SLC24A1: variants seen among roughly 807,000 people sequenced by gnomAD.
SLC24A1 encodes the protein solute carrier family 24 member 1, also known as sodium/potassium/calcium exchanger 1.
In SLC24A1, 52 loss-of-function variants were observed where a neutral mutation model predicts 88.1. The observed-to-expected ratio is 0.59, with a 90% CI of 0.47 to 0.74. The LOEUF (loss-of-function observed/expected upper bound fraction) is 0.74. SLC24A1 is among the 30% of genes least tolerant of loss of function. SLC24A1 has a pLI of 0.00. For missense variants in SLC24A1, 1,173 were observed against 1,363.3 expected (o/e 0.86, Z 2.20); for synonymous variants, 455 against 498.0 (o/e 0.91, Z 1.15).
intron 2 of SLC24A1, among the ~76,000 whole-genome samples, chr15:65,628,033 T>C (rs1222711003): frequency 2.0e-5 from 3 of 152,086 alleles, no homozygotes; most frequent in Non-Finnish European, 4.4e-5. Flanking sequence ...CACTCATAGC[T>C]CACTGCAGCC....
At chr15:65,611,506 C>CT (rs2073949767) in exon 1 of SLC24A1, 1 of 387,624 alleles carries the variant, frequency 2.6e-6, no homozygotes, top group East Asian at 5.1e-5. Flanking sequence ...CCGCTTCACA[C>CT]TTTTGTCCCC....
chr15:65,624,092 G>A lies in SLC24A1; in HGVS notation c.12G>A (p.Leu4=), dbSNP rs780653303. MGK[L]IRMGPQERWL... ...TATAACTGGCCAGCATGGGGAAATT[G>A]ATCAGGATGGGGCCGCAAGAGAGGT... The change falls in exon 2 of 10, where the codon TTG becomes TTA. Residue 4 remains leucine (L), a synonymous_variant. Coordinates refer to ENST00000261892, the MANE Select transcript of SLC24A1 (RefSeq NM_004727.3). 4 of 1,587,052 alleles carry A rather than the reference G, an allele frequency of 2.5e-6. No homozygotes were observed. The highest frequency in any genetic ancestry group is 3.4e-6 in the Non-Finnish European group (4 of 1,168,478).
Position 65,624,495 on chromosome 15 carries a change from A to AGAAG in SLC24A1, c.424_427dup (p.Asp143GlyfsTer8). ...CAGCCCAACAGCAGCAGGTACAGAAAGAAGGAAGGAAGACACCCCAACATC... is the reference window on the plus strand; with the variant it reads ...CAGCCCAACAGCAGCAGGTACAGAAAGAAGGAAGGAAGGAAGACACCCCAACATC... On this transcript the variant is annotated frameshift_variant, in exon 2 of 10. Transcript: ENST00000261892. LOFTEE classifies it high-confidence loss of function. The AGAAG allele has an allele frequency of 6.2e-7, 1 of 1,607,390 alleles. No individual in the cohort carries two copies. The highest frequency in any genetic ancestry group is 8.5e-7 in the Non-Finnish European group (1 of 1,176,764).
Position 65,624,389 on chromosome 15 carries a change from A to G in SLC24A1, c.309A>G (p.Thr103=), listed in dbSNP as rs375495390. 1.1e-4 allele frequency: 184 copies of G among 1,613,682 alleles called. No individual in the cohort carries two copies. Among genetic ancestry groups the G allele is most frequent in the South Asian group, 3.7e-4 (34 of 90,994 alleles). Residue 103 remains threonine (T), a synonymous_variant, in exon 2 of 10, where the codon ACA becomes ACG. Coordinates refer to ENST00000261892, the MANE Select transcript of SLC24A1 (RefSeq NM_004727.3). ...PQASVGSDEA[T]LSMTVENIPS... ...CCTCAGTGGGCAGTGATGAAGCAAC[A>G]CTGAGCATGACAGTGGAGAATATCC...
In SLC24A1 at chr15:65,624,026, C is replaced by G; in HGVS notation, c.-55C>G. The G allele has an allele frequency of 4.8e-6, 7 of 1,453,564 alleles. No individual in the cohort carries two copies. The highest frequency in any genetic ancestry group is 6.5e-6 in the Non-Finnish European group (7 of 1,079,136). 90.0% of individuals were successfully genotyped at this position (1,453,564 alleles called of 1,614,324 possible). A position where few individuals can be genotyped will look rare whatever the true frequency, so the allele number is the denominator to read the frequency against. On this transcript the variant is annotated 5_prime_UTR_variant, in exon 2 of 10. Transcript: ENST00000261892. The stretch of plus-strand genomic sequence containing the variant: ...ATCACCAACCTGAATCCCAGAGTAG[C>G]CTCCATCTTAGGACAGAATGAGAGG...
At chr15:65,648,990 C>G (rs1728270102) in intron 6 of SLC24A1, among the ~76,000 whole-genome samples, 1 of 152,170 alleles carries the variant, frequency 6.6e-6, no homozygotes, top group South Asian at 2.1e-4. Flanking sequence ...TTCCCAAACA[C>G]TGGTCTAAAG....
At chr15:65,626,669 C>A (rs542671711) in intron 2 of SLC24A1, among the ~76,000 whole-genome samples, 1 of 152,294 alleles carries the variant, frequency 6.6e-6, no homozygotes, top group South Asian at 2.1e-4. Flanking sequence ...CCATAAGTTC[C>A]TTTCCAAGAA....
chr15:65,634,564 G>A (rs1423804717), intron 2 of SLC24A1, among the ~76,000 whole-genome samples: 1 of 152,120 alleles, frequency 6.6e-6, no homozygotes, highest in African/African-American at 2.4e-5. Context: ...ACTTTCCAGT[G>A]CTGTTACTCA....
downstream of SLC24A1, chr15:65,659,964 T>G (rs1433684953): frequency 4.4e-6 from 1 of 226,420 alleles, no homozygotes; most frequent in African/African-American, 2.3e-5. Flanking sequence ...AAGCTGTTTT[T>G]AAAAGAATAA....
intron 2 of SLC24A1, among the ~76,000 whole-genome samples, chr15:65,615,868 T>TC (rs71139419): frequency 9.9e-5 from 13 of 131,254 alleles, no homozygotes; most frequent in African/African-American, 4.4e-4. Context: ...CCTAATGCTA[T>TC]CCCTCCCCCA....
In SLC24A1 at chr15:65,652,680, C is replaced by A. The variant is rs767761349; in HGVS notation, c.2922C>A (p.Gly974=). 6.2e-7 allele frequency: 1 copy of A among 1,613,968 alleles called. No individual in the cohort carries two copies. The highest frequency in any genetic ancestry group is 8.5e-7 in the Non-Finnish European group (1 of 1,179,874). The change falls in exon 9 of 10, where the codon GGC becomes GGA. Residue 974 remains glycine, a synonymous_variant. Transcript: ENST00000261892. The part of the protein sequence containing the change: ...ETIGISEEIM[G]LTILAAGTSI... ...TAGGGATTTCTGAAGAGATCATGGG[C>A]CTGACAATCCTTGCAGCAGGCACAT...
Position 65,624,493 on chromosome 15 carries a change from AAAG to A in SLC24A1, c.417_419del (p.Arg140del), listed in dbSNP as rs1442080941. The A allele has an allele frequency of 6.2e-7, 1 of 1,607,698 alleles. No individual in the cohort carries two copies. The highest frequency in any genetic ancestry group is 1.7e-5 in the Admixed American group (1 of 58,738). ...TACAGCCCAACAGCAGCAGGTACAG[AAAG>A]AAGGAAGGAAGACACCCCAACATCC... On this transcript the variant is annotated inframe_deletion, in exon 2 of 10. Transcript: ENST00000261892.
rs559677090 is a variant in SLC24A1, at chr15:65,630,940, C to T, written c.1890+4970C>T. On this transcript the variant is annotated intron_variant, in intron 2 of 9. Transcript: ENST00000261892. Reference sequence around the variant, plus strand: ...GAGCTGACATCATGCCACTGCACTCCGGCCTGGGCAACAGAGCAAGACTCT... The same window carrying T: ...GAGCTGACATCATGCCACTGCACTCTGGCCTGGGCAACAGAGCAAGACTCT... Among the ~76,000 whole-genome samples, 41 of 152,066 alleles carry T rather than the reference C, an allele frequency of 2.7e-4. No individual in the cohort carries two copies. The South Asian group carries it at 7.9e-3, about 29-fold the overall frequency.
chr15:65,625,406 A>C lies in SLC24A1; in HGVS notation c.1326A>C (p.Pro442=), dbSNP rs756888101. The change falls in exon 2 of 10, where the codon CCA becomes CCC. Residue 442 remains proline (P), a synonymous_variant. Coordinates refer to ENST00000261892, the MANE Select transcript of SLC24A1 (RefSeq NM_004727.3). ...PDLHPKGEYP[P]DLFSVEERRQ... is the part of the protein sequence containing the mutation. The stretch of plus-strand genomic sequence containing the variant: ...TCCACCCCAAGGGAGAGTACCCCCC[A>C]GATCTGTTCAGTGTGGAGGAGCGGC... 6.2e-7 allele frequency: 1 copy of C among 1,614,002 alleles called. No homozygotes were observed.
At chr15:65,627,960 C>T (rs1566950678) in intron 2 of SLC24A1, among the ~76,000 whole-genome samples, 1 of 152,048 alleles carries the variant, frequency 6.6e-6, no homozygotes, top group Non-Finnish European at 1.5e-5. Context: ...GAAATAGATC[C>T]AGTATGAATT....
At chr15:65,630,539 T>C (rs1044296537) in intron 2 of SLC24A1, among the ~76,000 whole-genome samples, 1 of 152,212 alleles carries the variant, frequency 6.6e-6, no homozygotes, top group African/African-American at 2.4e-5. Flanking sequence ...CTCACTGTGC[T>C]GCCAAAGGGC....
chr15:65,622,788 C>T (rs898889416), intron 1 of SLC24A1, among the ~76,000 whole-genome samples: 3 of 150,946 alleles, frequency 2.0e-5, no homozygotes, highest in African/African-American at 7.3e-5. Flanking sequence ...GTTGCTCAGG[C>T]TGGAGTGCAA....
chr15:65,653,757 A>G (rs2141736159), intron 9 of SLC24A1, 73 bp from the exon 10 acceptor site: 1 of 1,439,348 alleles, frequency 6.9e-7, no homozygotes, highest in East Asian at 2.3e-5. Context: ...TTTGTAAAGT[A>G]TAAACTACTA....
chr15:65,646,202 A>C (rs2075294703), intron 6 of SLC24A1, among the ~76,000 whole-genome samples: 1 of 152,168 alleles, frequency 6.6e-6, no homozygotes, highest in Non-Finnish European at 1.5e-5. Flanking sequence ...TGCTCCAGCC[A>C]AACTGGATTT....
Sources: allele counts gnomAD v4.1 joint callset (sites outside exome capture counted in the v4.1 genomes callset), GRCh38; gene constraint gnomAD v4.1.1; transcripts MANE v1.5; gene names NCBI Gene and HGNC (gene_info 2026-07-23, HGNC 2026-07-21).